AIG1: variants seen among roughly 807,000 people sequenced by gnomAD.
AIG1 encodes androgen-induced gene 1 protein.
In AIG1, 23 loss-of-function variants were observed where a neutral mutation model predicts 31.4. The ratio of observed to expected loss-of-function variants is 0.73; its 90% CI spans 0.53 to 1.04. The LOEUF (loss-of-function observed/expected upper bound fraction) is 1.04, where lower values mean the gene tolerates loss of function less well. Among genes scored for constraint, AIG1 ranks in the 50% least tolerant of loss-of-function variants. The pLI, the probability that AIG1 is intolerant of heterozygous loss-of-function variation, is 0.00. For missense variants in AIG1, 274 were observed against 295.0 expected (o/e 0.93, Z 0.52); for synonymous variants, 100 against 110.5 (o/e 0.90, Z 0.60).
At chr6:143,185,117 A>T (rs1005318001) in intron 3 of AIG1, among the ~76,000 whole-genome samples, 2 of 151,492 alleles carry the variant, frequency 1.3e-5, no homozygotes, top group African/African-American at 4.9e-5. Context: ...GCTAACTTGA[A>T]TCTGGGAGGT....
intron 3 of AIG1, among the ~76,000 whole-genome samples, chr6:143,254,611 A>G (rs1338066023): frequency 6.6e-6 from 1 of 152,138 alleles, no homozygotes; most frequent in Non-Finnish European, 1.5e-5. Context: ...TACCCCCGCA[A>G]GTCACTGACT....
chr6:143,211,892 CAA>C (rs879442494), intron 3 of AIG1, among the ~76,000 whole-genome samples: 14 of 131,180 alleles, frequency 1.1e-4, no homozygotes, highest in Admixed American at 3.1e-4. Context: ...GACCCTGTCT[CAA>C]AAAAAAAAAA....
At chr6:143,241,337 C>G (rs190850938) in intron 3 of AIG1, among the ~76,000 whole-genome samples, 1 of 152,294 alleles carries the variant, frequency 6.6e-6, no homozygotes, top group African/African-American at 2.4e-5. Context: ...TTTAGACTTG[C>G]GTGGAGCCCT....
At chr6:143,199,571 T>C (rs1349809387) in intron 3 of AIG1, among the ~76,000 whole-genome samples, 1 of 152,226 alleles carries the variant, frequency 6.6e-6, no homozygotes, top group African/African-American at 2.4e-5. Flanking sequence ...CTCATTTCTG[T>C]ACTCCAGTTA....
intron 4 of AIG1, among the ~76,000 whole-genome samples, chr6:143,307,928 G>C (rs1012553499): frequency 6.6e-6 from 1 of 152,228 alleles, no homozygotes; most frequent in Non-Finnish European, 1.5e-5. Context: ...CCCTCCCCCA[G>C]CCTCGCTGCC....
intron 3 of AIG1, among the ~76,000 whole-genome samples, chr6:143,281,348 A>T (rs759403990): frequency 1.3e-5 from 2 of 152,212 alleles, no homozygotes; most frequent in African/African-American, 2.4e-5. Context: ...CTCTTGTGCC[A>T]GGTTCTTTTC....
chr6:143,063,740 G>T (rs889455418), intron 1 of AIG1, among the ~76,000 whole-genome samples: 18 of 152,176 alleles, frequency 1.2e-4, no homozygotes, highest in Admixed American at 1.2e-3. Flanking sequence ...AACTTGGATT[G>T]CAGGAATCAT....
At chr6:143,266,725 C>T (rs1419886498) in intron 3 of AIG1, among the ~76,000 whole-genome samples, 2 of 151,890 alleles carry the variant, frequency 1.3e-5, no homozygotes, top group East Asian at 3.9e-4. Flanking sequence ...AAGAGGATCA[C>T]TTGAGGGCAG....
intron 4 of AIG1, among the ~76,000 whole-genome samples, chr6:143,303,095 G>A (rs958149478): frequency 6.6e-6 from 1 of 152,058 alleles, no homozygotes; most frequent in African/African-American, 2.4e-5. Context: ...TTGTCAATTT[G>A]TTTGAGTTCA....
chr6:143,068,039 G>T (rs953153203), intron 1 of AIG1, among the ~76,000 whole-genome samples: 1 of 152,144 alleles, frequency 6.6e-6, no homozygotes, highest in African/African-American at 2.4e-5. Context: ...GCCTGGTTTT[G>T]TTAGAGTGGG....
chr6:143,307,585 A>C (rs1449146767), intron 4 of AIG1, among the ~76,000 whole-genome samples: 1 of 152,110 alleles, frequency 6.6e-6, no homozygotes, highest in African/African-American at 2.4e-5. Context: ...AGTACCTGGC[A>C]GTGTGAGGTG....
chr6:143,114,452 C>T (rs1781573013), intron 1 of AIG1, among the ~76,000 whole-genome samples: 1 of 152,112 alleles, frequency 6.6e-6, no homozygotes, highest in South Asian at 2.1e-4. Context: ...ATCTCTGATT[C>T]CACTTTAAAA....
intron 3 of AIG1, among the ~76,000 whole-genome samples, chr6:143,228,729 G>A (rs1043373464): frequency 6.6e-6 from 1 of 152,198 alleles, no homozygotes; most frequent in South Asian, 2.1e-4. Context: ...TGATGAATTG[G>A]CCCCAAGATG....
intron 1 of AIG1, among the ~76,000 whole-genome samples, chr6:143,077,313 T>C (rs538647208): frequency 1.3e-5 from 2 of 152,254 alleles, no homozygotes; most frequent in African/African-American, 4.8e-5. Flanking sequence ...TTAGTTCTTA[T>C]GTTGATATTT....
At chr6:143,261,705 C>A (rs1299574510) in intron 3 of AIG1, among the ~76,000 whole-genome samples, 1 of 152,158 alleles carries the variant, frequency 6.6e-6, no homozygotes, top group Non-Finnish European at 1.5e-5. Context: ...AGCCTATCCT[C>A]CACCAATGGG....
chr6:143,085,817 G>T (rs1206331425), intron 1 of AIG1, among the ~76,000 whole-genome samples: 1 of 152,186 alleles, frequency 6.6e-6, no homozygotes, highest in Non-Finnish European at 1.5e-5. Flanking sequence ...CACCCGGGAG[G>T]TGCCATCTGT....
chr6:143,178,178 A>G (rs374131964), intron 3 of AIG1, among the ~76,000 whole-genome samples: 60 of 152,206 alleles, frequency 3.9e-4, no homozygotes, highest in African/African-American at 1.4e-3. Flanking sequence ...GGGTGTGGAA[A>G]TACTGTGTGT....
chr6:143,325,815 A>T lies in AIG1; in HGVS notation c.516-7467A>T, dbSNP rs1004695459. On this transcript the variant is annotated intron_variant, in intron 4 of 5. Coordinates refer to ENST00000357847, the MANE Select transcript of AIG1 (RefSeq NM_016108.4). This position sits in a 1 kb window ranked among gnomAD's most constrained non-coding sequence, Gnocchi z 4.3. ...TGTTCACTTCTGTTACTGTTTTAAAATGCTAGTAACAGTGAGTTACTGACA... is the reference window on the plus strand; with the variant it reads ...TGTTCACTTCTGTTACTGTTTTAAATTGCTAGTAACAGTGAGTTACTGACA... Among the ~76,000 whole-genome samples, 1 of 152,218 alleles carries T rather than the reference A, an allele frequency of 6.6e-6. No individual in the cohort carries two copies. The highest frequency in any genetic ancestry group is 2.4e-5 in the African/African-American group (1 of 41,450).
upstream of AIG1, among the ~76,000 whole-genome samples, chr6:143,059,306 T>C (rs1429886341): frequency 1.3e-5 from 2 of 152,210 alleles, no homozygotes; most frequent in Non-Finnish European, 2.9e-5. Context: ...GTCTGTGCCA[T>C]CTTTAAGAGC....
Sources: allele counts gnomAD v4.1 joint callset (sites outside exome capture counted in the v4.1 genomes callset), GRCh38; gene constraint gnomAD v4.1.1; non-coding constraint Gnocchi (gnomAD v3.1); transcripts MANE v1.5; gene names NCBI Gene and HGNC (gene_info 2026-07-23, HGNC 2026-07-21).